The following BIRC2 variants were observed in gnomAD, a reference collection of about 807,000 sequenced individuals.
BIRC2 encodes the protein baculoviral IAP repeat containing 2.
Under a neutral mutation model 60.9 loss-of-function variants are expected in BIRC2, and 18 were observed. That is an observed-to-expected ratio of 0.30 (90% CI 0.20 to 0.44). BIRC2 has a LOEUF of 0.44. Ranked by LOEUF, BIRC2 falls within the 20% of genes least tolerant of loss-of-function variation. The pLI, the probability that BIRC2 is intolerant of heterozygous loss-of-function variation, is 1.00. For missense variants in BIRC2, 701 were observed against 728.5 expected (o/e 0.96, Z 0.43); for synonymous variants, 282 against 247.7 (o/e 1.14, Z -1.30).
At chr11:102,374,809 A>C (rs1446623770) in intron 6 of BIRC2, among the ~76,000 whole-genome samples, 11 of 152,186 alleles carry the variant, frequency 7.2e-5, no homozygotes, top group East Asian at 1.9e-4. Flanking sequence ...CTGTGCTAGC[A>C]ATCAGCGAGA....
chr11:102,357,988 AC>A lies in BIRC2; in HGVS notation c.996-4905del, dbSNP rs1323992036. Among the ~76,000 whole-genome samples the A allele has an allele frequency of 3.3e-5, 5 of 151,890 alleles. No homozygotes were observed. In the East Asian group the frequency reaches 9.6e-4, roughly 29 times the overall value. Reference sequence around the variant, plus strand: ...AATTTTCTTTTTGATTTCTTCTTTGACCCATTGATTATTCAGGAGTATTTTG... The same window carrying A: ...AATTTTCTTTTTGATTTCTTCTTTGACCATTGATTATTCAGGAGTATTTTG... On this transcript the variant is annotated intron_variant, in intron 3 of 8. Transcript: ENST00000227758.
At chr11:102,352,826 T>G (rs1951379470) in intron 3 of BIRC2, among the ~76,000 whole-genome samples, 1 of 152,222 alleles carries the variant, frequency 6.6e-6, no homozygotes, top group African/African-American at 2.4e-5. Context: ...CCTGTGAGTG[T>G]CTTTCACAAT....
intron 3 of BIRC2, chr11:102,362,617 A>G: frequency 6.9e-6 from 2 of 290,364 alleles, no homozygotes; most frequent in Non-Finnish European, 1.3e-5. Flanking sequence ...AGTGTTCTTC[A>G]GGAGTCAACT....
intron 3 of BIRC2, 47 bp downstream of exon 3, chr11:102,350,990 A>T (rs774066945): frequency 6.4e-7 from 1 of 1,568,932 alleles, no homozygotes; most frequent in Non-Finnish European, 8.7e-7. Flanking sequence ...CTGTGCTTAA[A>T]AGAAGTAGGC....
At chr11:102,377,824 T>TAG in intron 7 of BIRC2, 33 bp from the exon 8 acceptor site, 1 of 1,597,506 alleles carries the variant, frequency 6.3e-7, no homozygotes, top group Non-Finnish European at 8.5e-7. Context: ...TTGTATTTAG[T>TAG]AGAGTAATGG....
At chr11:102,375,506 C>T (rs770149810) in intron 6 of BIRC2, among the ~76,000 whole-genome samples, 2 of 152,158 alleles carry the variant, frequency 1.3e-5, no homozygotes, top group Non-Finnish European at 2.9e-5. Flanking sequence ...CCAGGCTGGG[C>T]GCGGTGGCTC....
intron 3 of BIRC2, among the ~76,000 whole-genome samples, chr11:102,356,318 C>T (rs1232169255): frequency 6.6e-6 from 1 of 151,842 alleles, no homozygotes; most frequent in Non-Finnish European, 1.5e-5. Context: ...GCCCCAGCCT[C>T]CCGAGTAGCT....
Position 102,350,301 on chromosome 11 carries a change from C to G in BIRC2, c.447C>G (p.Phe149Leu), listed in dbSNP as rs887080224. 2.5e-6 allele frequency: 4 copies of G among 1,614,108 alleles called. No individual in the cohort carries two copies. Among genetic ancestry groups the G allele is most frequent in the Non-Finnish European group, 3.4e-6 (4 of 1,180,050 alleles). The change falls in exon 2 of 9, where the codon TTC becomes TTG. Residue 149 changes from phenylalanine (F) to leucine (L), a missense_variant. Transcript: ENST00000227758. Reference protein sequence around the residue: ...LSPTLEHSSLFSGSYSSLSPN... With the variant: ...LSPTLEHSSLLSGSYSSLSPN... ...CCACCTTGGAACATAGTAGCTTGTT[C>G]AGTGGTTCTTACTCCAGCCTTTCTC...
chr11:102,368,561 G>T lies in BIRC2; in HGVS notation c.1366+13G>T, dbSNP rs375650901. The T allele has an allele frequency of 1.9e-5, 30 of 1,611,018 alleles. No individual in the cohort carries two copies. Among genetic ancestry groups the T allele is most frequent in the Non-Finnish European group, 2.4e-5 (28 of 1,178,662 alleles). On this transcript the variant is annotated intron_variant, in intron 6 of 8. Coordinates refer to ENST00000227758, the MANE Select transcript of BIRC2 (RefSeq NM_001166.5). ...GAAATGGCATCAGGTATTTGGGGAT[G>T]TTAGTCACCTGCATTGTTTCTCAGT... is the stretch of plus-strand genomic sequence containing the variant.
chr11:102,377,976 T>C lies in BIRC2; in HGVS notation c.1664-14T>C, dbSNP rs1591545919. On this transcript the variant is annotated splice_polypyrimidine_tract_variant and intron_variant, in intron 8 of 8. Coordinates refer to ENST00000227758, the MANE Select transcript of BIRC2 (RefSeq NM_001166.5). ...AGTGGAAACAATTTCACTAAAGTTA[T>C]TTTTTGTTATTAGGTCTGTCACTGG... 6.2e-7 allele frequency: 1 copy of C among 1,601,144 alleles called. No homozygotes were observed. Among genetic ancestry groups the C allele is most frequent in the Non-Finnish European group, 8.5e-7 (1 of 1,176,068 alleles).
chr11:102,354,920 C>T (rs1035061860), intron 3 of BIRC2, among the ~76,000 whole-genome samples: 1 of 140,702 alleles, frequency 7.1e-6, no homozygotes, highest in East Asian at 2.0e-4. Flanking sequence ...GTCCTTTGCC[C>T]GTTTTCTAAC....
At chr11:102,374,726 C>G (rs1255706760) in intron 6 of BIRC2, among the ~76,000 whole-genome samples, 1 of 152,242 alleles carries the variant, frequency 6.6e-6, no homozygotes, top group Non-Finnish European at 1.5e-5. Context: ...CTTTGTTTAC[C>G]TAATCAAGCC....
At chr11:102,353,909 T>C (rs894225076) in intron 3 of BIRC2, among the ~76,000 whole-genome samples, 1 of 152,124 alleles carries the variant, frequency 6.6e-6, no homozygotes, top group African/African-American at 2.4e-5. Context: ...ACAGTATAGT[T>C]GTCCCTTGGT....
intron 5 of BIRC2, 99 bp from the exon 6 acceptor site, chr11:102,368,207 A>AAT: frequency 7.4e-7 from 1 of 1,351,380 alleles, no homozygotes; most frequent in South Asian, 1.4e-5. Context: ...CCTTTACCAG[A>AAT]ATATGAGAGT....
At chr11:102,360,783 TG>T (rs1256792083) in intron 3 of BIRC2, among the ~76,000 whole-genome samples, 2 of 150,604 alleles carry the variant, frequency 1.3e-5, no homozygotes, top group South Asian at 2.1e-4. Context: ...GTGTTTTTTT[TG>T]TTTTTTTTTT....
At position 102,349,780 on chromosome 11, in the gene BIRC2, G is replaced by A; in HGVS notation, c.-75G>A. On this transcript the variant is annotated 5_prime_UTR_variant, in exon 2 of 9. The change creates a new upstream start codon in the 5' untranslated region. Coordinates refer to ENST00000227758, the MANE Select transcript of BIRC2 (RefSeq NM_001166.5). Reference sequence around the variant, plus strand: ...AAGAGTCTATCATTGATTTCTTTTTGTGGTAAAAATCTTAGTTCATGTGAA... The same window carrying A: ...AAGAGTCTATCATTGATTTCTTTTTATGGTAAAAATCTTAGTTCATGTGAA... 7.1e-7 allele frequency: 1 copy of A among 1,406,004 alleles called. No homozygotes were observed. The highest frequency in any genetic ancestry group is 1.4e-5 in the South Asian group (1 of 70,890). The allele number at this position is 1,406,004 out of a possible 1,614,324, so 87.1% of individuals were successfully genotyped here.
At chr11:102,376,885 C>T (rs1288865996) in intron 6 of BIRC2, among the ~76,000 whole-genome samples, 1 of 152,102 alleles carries the variant, frequency 6.6e-6, no homozygotes, top group Non-Finnish European at 1.5e-5. Flanking sequence ...GATGAGGACA[C>T]ATAGCTAGTG....
At chr11:102,351,629 A>AAG (rs1555046380) in intron 3 of BIRC2, among the ~76,000 whole-genome samples, 2 of 150,242 alleles carry the variant, frequency 1.3e-5, no homozygotes, top group East Asian at 1.9e-4. Flanking sequence ...AAAAAAAAAA[A>AAG]AAAAAAAAGA....
chr11:102,353,164 C>T (rs545347613), intron 3 of BIRC2, among the ~76,000 whole-genome samples: 1 of 152,290 alleles, frequency 6.6e-6, no homozygotes, highest in East Asian at 1.9e-4. Context: ...AAGACAAAAA[C>T]AGCTTCCAAA....
Sources: gnomAD v4.1 joint callset for allele counts (sites outside exome capture counted in the v4.1 genomes callset) on GRCh38, gnomAD v4.1.1 for gene constraint, MANE v1.5 for transcripts, NCBI Gene and HGNC (gene_info 2026-07-23, HGNC 2026-07-21) for gene names.